Variants in TIAM2 observed in about 807,000 individuals in gnomAD.
TIAM2 encodes TIAM Rac1 associated GEF 2.
A neutral mutation model predicts 152.9 loss-of-function variants in TIAM2; 80 were observed. The observed-to-expected ratio is 0.52, with a 90% CI of 0.44 to 0.63. The LOEUF (loss-of-function observed/expected upper bound fraction) is 0.63. Among genes scored for constraint, TIAM2 ranks in the 30% least tolerant of loss-of-function variants. The pLI, the probability that TIAM2 is intolerant of heterozygous loss-of-function variation, is 0.00. For synonymous variants in TIAM2, 804 were observed against 838.0 expected, an observed-to-expected ratio of 0.96 and a Z score of 0.70; for missense variants, 1,965 against 2,120.1, an observed-to-expected ratio of 0.93 and a Z score of 1.44.
intron 5 of TIAM2, among the ~76,000 whole-genome samples, chr6:155,142,417 C>A (rs549792514): frequency 6.6e-6 from 1 of 152,314 alleles, no homozygotes; most frequent in Non-Finnish European, 1.5e-5. Flanking sequence ...GGTTTGCATT[C>A]ATTTCCTCTA....
intron 1 of TIAM2, among the ~76,000 whole-genome samples, chr6:155,007,038 C>G (rs1778413235): frequency 6.6e-6 from 1 of 152,178 alleles, no homozygotes; most frequent in Non-Finnish European, 1.5e-5. Context: ...GTTGCTCAGG[C>G]TGGTCTACTA....
Position 155,185,699 on chromosome 6 carries a change from C to T in TIAM2, c.3064+2199C>T, listed in dbSNP as rs996585853. Among the ~76,000 whole-genome samples the T allele has an allele frequency of 5.9e-5, 9 of 152,100 alleles. No homozygotes were observed. The East Asian group carries it at 9.7e-4, about 16-fold the overall frequency. ...GCAGGCACGGTGCTTGTCCACATCA[C>T]GTCCTCCTGATGGAATCTTGCAGGT... On this transcript the variant is annotated intron_variant, in intron 14 of 26. Transcript: ENST00000682666.
At chr6:155,135,365 C>T (rs1779533515) in intron 4 of TIAM2, among the ~76,000 whole-genome samples, 1 of 152,158 alleles carries the variant, frequency 6.6e-6, no homozygotes, top group Non-Finnish European at 1.5e-5. Context: ...GTCAATGGTC[C>T]TTGACCCAGT....
In TIAM2 at chr6:155,129,346, G is replaced by T. The variant is rs1583205214; in HGVS notation, c.123G>T (p.Lys41Asn). 1.9e-6 allele frequency: 3 copies of T among 1,614,060 alleles called. No homozygotes were observed. Among genetic ancestry groups the T allele is most frequent in the Admixed American group, 1.7e-5 (1 of 59,996 alleles). ...GTGGCATTCATGCAAAAGAGGAAAAGTCATTGCATGGATGGGGTCACGGAA... is the reference window on the plus strand; with the variant it reads ...GTGGCATTCATGCAAAAGAGGAAAATTCATTGCATGGATGGGGTCACGGAA... ...KIRGIHAKEE[K>N]SLHGWGHGSN... The change falls in exon 4 of 27, where the codon AAG (lysine) becomes AAT (asparagine). Residue 41 changes from lysine (K) to asparagine (N), a missense_variant. Coordinates refer to ENST00000682666, the MANE Select transcript of TIAM2 (RefSeq NM_012454.4). This position sits in a 1 kb window ranked among gnomAD's most constrained non-coding sequence, Gnocchi z 4.8.
At chr6:155,142,030 G>A (rs1049517796) in intron 5 of TIAM2, among the ~76,000 whole-genome samples, 2 of 151,972 alleles carry the variant, frequency 1.3e-5, no homozygotes, top group Non-Finnish European at 2.9e-5. Flanking sequence ...ACAGGGCTGG[G>A]GGCCCCCAGC....
In TIAM2 at chr6:155,257,122, T is replaced by C. The variant is rs1562380571; in HGVS notation, c.*1T>C. 6.2e-7 allele frequency: 1 copy of C among 1,611,944 alleles called. No individual in the cohort carries two copies. ...AACAGAGAGCCACGGAAAATCATAGTATGATTCAATCCAGATATGGGTTAA... is the reference window on the plus strand; with the variant it reads ...AACAGAGAGCCACGGAAAATCATAGCATGATTCAATCCAGATATGGGTTAA... On this transcript the variant is annotated 3_prime_UTR_variant, in exon 27 of 27. Transcript: ENST00000682666.
chr6:155,126,601 C>T (rs1191559210), intron 2 of TIAM2, among the ~76,000 whole-genome samples: 2 of 151,940 alleles, frequency 1.3e-5, no homozygotes, highest in Admixed American at 6.6e-5. Flanking sequence ...CGTGGTGGTG[C>T]GTGCCTGTAA....
At chr6:155,058,719 A>G (rs953971192) in intron 1 of TIAM2, among the ~76,000 whole-genome samples, 1 of 152,170 alleles carries the variant, frequency 6.6e-6, no homozygotes, top group Admixed American at 6.6e-5. Flanking sequence ...TGGGATTTGA[A>G]CTCACATCTG....
chr6:155,179,533 A>C lies in TIAM2; in HGVS notation c.2707+77A>C, dbSNP rs1297122312. On this transcript the variant is annotated intron_variant, in intron 12 of 26. Coordinates refer to ENST00000682666, the MANE Select transcript of TIAM2 (RefSeq NM_012454.4). Reference sequence around the variant, plus strand: ...ACTTTGCCCCAGCATCTTTGGACTTAATTTTTTCCCCTTACATTCACATTT... The same window carrying C: ...ACTTTGCCCCAGCATCTTTGGACTTCATTTTTTCCCCTTACATTCACATTT... 31 of 1,347,538 alleles carry C rather than the reference A, an allele frequency of 2.3e-5. 1 individual carries two copies. Among genetic ancestry groups the C allele is most frequent in the South Asian group, 1.3e-4 (9 of 69,824 alleles). The allele number at this position is 1,347,538 out of a possible 1,614,324, so 83.5% of individuals were successfully genotyped here. A position where few individuals can be genotyped will look rare whatever the true frequency, so the allele number is the denominator to read the frequency against.
intron 16 of TIAM2, among the ~76,000 whole-genome samples, chr6:155,242,347 G>A (rs1783081213): frequency 6.6e-6 from 1 of 152,128 alleles, no homozygotes; most frequent in Admixed American, 6.5e-5. Context: ...ACAGAATCTT[G>A]TTGTTTTTTA....
intron 1 of TIAM2, among the ~76,000 whole-genome samples, chr6:154,998,629 T>C (rs1778262058): frequency 6.6e-6 from 1 of 152,242 alleles, no homozygotes. Flanking sequence ...TATAAAATTA[T>C]ATACTTGTAG....
chr6:154,996,008 T>C (rs1250279699), intron 1 of TIAM2, among the ~76,000 whole-genome samples: 1 of 151,970 alleles, frequency 6.6e-6, no homozygotes, highest in Non-Finnish European at 1.5e-5. Context: ...GACCGTGCGG[T>C]CCCTGCTCAG....
Position 155,183,272 on chromosome 6 carries a change from G to C in TIAM2, c.2836G>C (p.Gly946Arg). The change falls in exon 14 of 27, where the codon GGG becomes CGG. Residue 946 changes from glycine to arginine, a missense_variant. Around this residue, in one of 3 missense-constraint regions of TIAM2, gnomAD observed 935 missense variants for 980.0 expected, o/e 0.95. Transcript: ENST00000682666. ...GGGCAATGAGATCATGACCTTAAAT[G>C]GGGAAGCTGTGTCTGATCTTGACCT... ...RKGNEIMTLN[G>R]EAVSDLDLKQ... 6.2e-7 allele frequency: 1 copy of C among 1,614,116 alleles called. No homozygotes were observed.
At chr6:155,037,306 G>C (rs1301727415) in intron 1 of TIAM2, among the ~76,000 whole-genome samples, 1 of 152,072 alleles carries the variant, frequency 6.6e-6, no homozygotes, top group Non-Finnish European at 1.5e-5. Flanking sequence ...GCGTATAGAA[G>C]GTCCTAAGTA....
chr6:155,166,451 G>GTAGC (rs1456029398), intron 9 of TIAM2, among the ~76,000 whole-genome samples: 2 of 151,906 alleles, frequency 1.3e-5, no homozygotes, highest in African/African-American at 4.8e-5. Flanking sequence ...AGCCTCCTGA[G>GTAGC]TAGCTGGGAC....
intron 1 of TIAM2, among the ~76,000 whole-genome samples, chr6:155,044,805 G>C (rs1249294435): frequency 6.0e-5 from 9 of 150,948 alleles, no homozygotes; most frequent in Admixed American, 5.9e-4. Context: ...TCCAGCCTGG[G>C]CGACAGAGCA....
In TIAM2 at chr6:155,129,704, G is replaced by C; in HGVS notation, c.481G>C (p.Val161Leu). ...GGGCGAAGACCGCAAGAGCCCCCGA[G>C]TGCTCATCAAAACGCTGGGGAAGCT... ...PPGEDRKSPR[V>L]LIKTLGKLDG... The change falls in exon 4 of 27, where the codon GTG becomes CTG. Residue 161 changes from valine to leucine, a missense_variant. Val to Leu is a conservative substitution (Grantham distance 32, BLOSUM62 1). Transcript: ENST00000682666. This position sits in a 1 kb window ranked among gnomAD's most constrained non-coding sequence, Gnocchi z 4.8. 1 of 1,614,104 alleles carries C rather than the reference G, an allele frequency of 6.2e-7. No homozygotes were observed. The highest frequency in any genetic ancestry group is 1.7e-5 in the Admixed American group (1 of 60,026).
chr6:155,057,182 C>T (rs146577572), intron 1 of TIAM2, among the ~76,000 whole-genome samples: 2,402 of 151,622 alleles, frequency 0.016, 29 homozygotes, highest in Non-Finnish European at 0.025. Flanking sequence ...GTGCATGCCA[C>T]CACACCCAGC....
intron 26 of TIAM2, 64 bp from the exon 27 acceptor site, chr6:155,256,420 G>GCAAA: frequency 6.2e-7 from 1 of 1,603,156 alleles, no homozygotes; most frequent in Non-Finnish European, 8.5e-7. Context: ...AAGCTTTGAG[G>GCAAA]CAAACATTAC....
Sources: allele counts gnomAD v4.1 joint callset (sites outside exome capture counted in the v4.1 genomes callset), GRCh38; gene constraint gnomAD v4.1.1; regional missense constraint gnomAD v4.1.1; non-coding constraint Gnocchi (gnomAD v3.1); transcripts MANE v1.5; gene names NCBI Gene and HGNC (gene_info 2026-07-23, HGNC 2026-07-21).